Variants in LRP5 observed in about 807,000 individuals in gnomAD.
LRP5 encodes the protein LDL receptor related protein 5.
In LRP5, 62 loss-of-function variants were observed where a neutral mutation model predicts 154.1. The observed-to-expected ratio is 0.40, with a 90% CI of 0.33 to 0.50. LRP5 has a LOEUF of 0.50. LRP5 is among the 20% of genes least tolerant of loss of function. The pLI is 0.55. For synonymous variants in LRP5, 966 were observed against 1,011.5 expected, an observed-to-expected ratio of 0.96 and a Z score of 0.85; for missense variants, 1,915 against 2,336.7, an observed-to-expected ratio of 0.82 and a Z score of 3.72.
At chr11:68,361,316 T>A (rs11228213) in intron 3 of LRP5, among the ~76,000 whole-genome samples, 67,179 of 136,028 alleles carry the variant, frequency 0.49, 18,716 homozygotes, top group South Asian at 0.81. Context: ...AAAAAAAAAA[T>A]AATAAAATAA....
At chr11:68,422,142 C>G (rs751181578) in intron 13 of LRP5, among the ~76,000 whole-genome samples, 3 of 151,992 alleles carry the variant, frequency 2.0e-5, no homozygotes, top group Non-Finnish European at 2.9e-5. Flanking sequence ...CAGATGGAGT[C>G]TTGCTATGTT....
chr11:68,325,335 C>T (rs1240425527), intron 1 of LRP5, among the ~76,000 whole-genome samples: 3 of 152,146 alleles, frequency 2.0e-5, no homozygotes, highest in Non-Finnish European at 2.9e-5. Flanking sequence ...CCCTGTGATC[C>T]GTGAGGCCCT....
chr11:68,372,549 A>T (rs1283558292), intron 5 of LRP5, among the ~76,000 whole-genome samples: 1 of 145,198 alleles, frequency 6.9e-6, no homozygotes, highest in Non-Finnish European at 1.5e-5. Flanking sequence ...ATTTTTTGTC[A>T]TCGTGTTGGG....
At chr11:68,382,939 G>A (rs1212714901) in intron 5 of LRP5, among the ~76,000 whole-genome samples, 1 of 151,918 alleles carries the variant, frequency 6.6e-6, no homozygotes, top group Non-Finnish European at 1.5e-5. Flanking sequence ...GTGCAGTGGC[G>A]CGATCTCAGC....
chr11:68,329,167 G>A (rs1289848049), intron 1 of LRP5, among the ~76,000 whole-genome samples: 2 of 152,256 alleles, frequency 1.3e-5, no homozygotes, highest in African/African-American at 4.8e-5. Flanking sequence ...TGTGGGGTAC[G>A]TGTTTAATGA....
the LRP5 span, among the ~76,000 whole-genome samples, chr11:68,303,047 C>T: frequency 4.6e-5 from 7 of 152,278 alleles, no homozygotes; most frequent in South Asian, 2.1e-4. Flanking sequence ...GGGAGGAACA[C>T]GTGCAGAAAG....
upstream of LRP5, among the ~76,000 whole-genome samples, chr11:68,309,043 C>T (rs2098585925): frequency 6.7e-6 from 1 of 150,028 alleles, no homozygotes; most frequent in Admixed American, 6.8e-5. Context: ...ACGCCATTCT[C>T]CTGCCTCAGC....
At chr11:68,389,140 A>ATTTACCGACACCG (rs1591264890) in intron 6 of LRP5, among the ~76,000 whole-genome samples, 2 of 1,868 alleles carry the variant, frequency 1.1e-3, no homozygotes, top group African/African-American at 2.6e-3. Flanking sequence ...CGACACCAAC[A>ATTTACCGACACCG]TTTACCAACA....
At chr11:68,327,384 A>C (rs1290950013) in intron 1 of LRP5, among the ~76,000 whole-genome samples, 3 of 152,206 alleles carry the variant, frequency 2.0e-5, no homozygotes, top group Non-Finnish European at 2.9e-5. Flanking sequence ...GCATCCCTCC[A>C]GGTATGGGGA....
chr11:68,356,284 A>T (rs2098623186), intron 2 of LRP5, among the ~76,000 whole-genome samples: 2 of 151,852 alleles, frequency 1.3e-5, no homozygotes, highest in African/African-American at 4.8e-5. Flanking sequence ...CTGGGACTAC[A>T]AGAGTGTGCC....
intron 5 of LRP5, among the ~76,000 whole-genome samples, chr11:68,376,328 C>T (rs1255877917): frequency 6.6e-6 from 1 of 152,060 alleles, no homozygotes; most frequent in African/African-American, 2.4e-5. Flanking sequence ...ACTATAGGCA[C>T]CCGCCACCAC....
At chr11:68,416,554 G>A (rs951871252) in intron 13 of LRP5, 27 bp downstream of exon 13, 10 of 1,610,204 alleles carry the variant, frequency 6.2e-6, no homozygotes, top group African/African-American at 1.3e-5. Flanking sequence ...AAGGGTGCGG[G>A]GTGTGCTTCC....
chr11:68,318,736 A>T (rs368616068), intron 1 of LRP5, among the ~76,000 whole-genome samples: 1 of 152,160 alleles, frequency 6.6e-6, no homozygotes, highest in East Asian at 1.9e-4. Flanking sequence ...CCCTTCAAGG[A>T]TATGACAACG....
Position 68,447,578 on chromosome 11 carries a change from C to G in LRP5, c.4586+1045C>G, listed in dbSNP as rs975902576. On this transcript the variant is annotated intron_variant, in intron 22 of 22. Coordinates refer to ENST00000294304, the MANE Select transcript of LRP5 (RefSeq NM_002335.4). This position sits in a 1 kb window ranked among gnomAD's most constrained non-coding sequence, Gnocchi z 4.3. ...AATGGTCACATCCACACTGGGCAGC[C>G]CAGTCTCGCTAGTTCCTCGTCCCAC... 2.0e-5 allele frequency among the ~76,000 whole-genome samples: 3 copies of G among 152,180 alleles called. No homozygotes were observed. Among genetic ancestry groups the G allele is most frequent in the East Asian group, 3.9e-4 (2 of 5,190 alleles).
intron 21 of LRP5, among the ~76,000 whole-genome samples, chr11:68,440,334 GAT>G (rs1454869571): frequency 6.6e-6 from 1 of 152,200 alleles, no homozygotes; most frequent in Admixed American, 6.5e-5. Flanking sequence ...AAAACAGCTG[GAT>G]GGTTTTGTGC....
At position 68,433,785 on chromosome 11, in the gene LRP5, G is replaced by A. The variant is rs780957124; in HGVS notation, c.3947G>A (p.Arg1316His). The change falls in exon 18 of 23, where the codon CGC becomes CAC. Residue 1316 changes from arginine to histidine, a missense_variant. Physicochemically the swap from Arg to His is conservative, Grantham distance 29 (BLOSUM62 0). Coordinates refer to ENST00000294304, the MANE Select transcript of LRP5 (RefSeq NM_002335.4). ...GGTCAGTGTGTGGACCTGCGCCTGCGCTGCGACGGCGAGGCAGACTGTCAG... is the reference window on the plus strand; with the variant it reads ...GGTCAGTGTGTGGACCTGCGCCTGCACTGCGACGGCGAGGCAGACTGTCAG... ...ARGQCVDLRL[R>H]CDGEADCQDR... 2.1e-5 allele frequency: 34 copies of A among 1,612,464 alleles called. No homozygotes were observed. The South Asian group carries it at 2.3e-4, about 11-fold the overall frequency.
At chr11:68,356,149 T>TC (rs1356287848) in intron 2 of LRP5, among the ~76,000 whole-genome samples, 1 of 151,028 alleles carries the variant, frequency 6.6e-6, no homozygotes, top group East Asian at 1.9e-4. Flanking sequence ...CAGCCTTTTT[T>TC]TTTTTTTTTT....
At chr11:68,443,566 TATATATATA>T (rs1565122027) in intron 21 of LRP5, among the ~76,000 whole-genome samples, 18 of 41,026 alleles carry the variant, frequency 4.4e-4, no homozygotes, top group Non-Finnish European at 6.4e-4. Context: ...TATATATATA[TATATATATA>T]TATATATATA....
intron 6 of LRP5, among the ~76,000 whole-genome samples, chr11:68,388,161 G>A (rs1354369767): frequency 6.6e-6 from 1 of 152,122 alleles, no homozygotes; most frequent in Non-Finnish European, 1.5e-5. Context: ...GTGGCTGAAG[G>A]GCTGGGTTGT....
Sources: allele counts gnomAD v4.1 joint callset (sites outside exome capture counted in the v4.1 genomes callset), GRCh38; gene constraint gnomAD v4.1.1; non-coding constraint Gnocchi (gnomAD v3.1); transcripts MANE v1.5; gene names NCBI Gene and HGNC (gene_info 2026-07-23, HGNC 2026-07-21).